CNTLN: variants seen among roughly 807,000 people sequenced by gnomAD.
The protein encoded by CNTLN is centlein, also known as centlein, centrosomal protein.
A neutral mutation model predicts 180.0 loss-of-function variants in CNTLN; 212 were observed. The observed-to-expected ratio is 1.18, with a 90% CI of 1.05 to 1.32. The LOEUF (loss-of-function observed/expected upper bound fraction) is 1.32. Ranked by LOEUF, CNTLN falls within the 40% of genes most tolerant of loss-of-function variation. The probability of loss-of-function intolerance (pLI) is 0.00; values close to 1 mark genes in which losing one functional copy is unlikely to be tolerated. For missense variants in CNTLN, 2,095 were observed against 1,610.9 expected (o/e 1.30, Z -5.14); for synonymous variants, 722 against 563.1 (o/e 1.28, Z -3.99).
At chr9:17,174,711 AAAAG>A (rs1334469534) in intron 2 of CNTLN, among the ~76,000 whole-genome samples, 4 of 151,906 alleles carry the variant, frequency 2.6e-5, no homozygotes, top group Admixed American at 1.3e-4. Flanking sequence ...AAAAAAAAAA[AAAAG>A]AAAGAAATTG....
chr9:17,484,249 C>G (rs778235774), intron 23 of CNTLN, 46 bp from the exon 24 acceptor site: 1 of 1,425,650 alleles, frequency 7.0e-7, no homozygotes, highest in Non-Finnish European at 9.6e-7. Flanking sequence ...GCTTTGTCTT[C>G]ATTATGACTT....
intron 5 of CNTLN, among the ~76,000 whole-genome samples, chr9:17,249,342 A>ATTT (rs1825989969): frequency 1.9e-5 from 2 of 107,864 alleles, no homozygotes; most frequent in African/African-American, 3.8e-5. Context: ...TGGTTCTTTG[A>ATTT]TTGTTTTTTT....
intron 13 of CNTLN, among the ~76,000 whole-genome samples, chr9:17,380,589 A>T (rs141556282): frequency 6.6e-6 from 1 of 152,250 alleles, no homozygotes; most frequent in African/African-American, 2.4e-5. Flanking sequence ...TGCCAGGTAA[A>T]ACCTTTGTAA....
chr9:17,163,094 A>G (rs889861183), intron 2 of CNTLN, among the ~76,000 whole-genome samples: 2 of 152,222 alleles, frequency 1.3e-5, no homozygotes, highest in African/African-American at 2.4e-5. Flanking sequence ...TGTGGTAGAC[A>G]AAAGAGCATG....
chr9:17,194,674 TC>T (rs1483628872), intron 2 of CNTLN, among the ~76,000 whole-genome samples: 4 of 152,188 alleles, frequency 2.6e-5, no homozygotes, highest in Non-Finnish European at 5.9e-5. Context: ...TCCAAACTGT[TC>T]CAACCTTTGT....
At chr9:17,505,531 A>G (rs1355585818), downstream of CNTLN, among the ~76,000 whole-genome samples, 1 of 152,176 alleles carries the variant, frequency 6.6e-6, no homozygotes. Flanking sequence ...ATACAATACA[A>G]TGTACAATTT....
intron 7 of CNTLN, 37 bp from the exon 8 acceptor site, chr9:17,309,021 G>T (rs1563981940): frequency 1.5e-6 from 2 of 1,359,160 alleles, no homozygotes; most frequent in South Asian, 1.5e-5. Flanking sequence ...TAGTTTTATT[G>T]ATTATTAATA....
At chr9:17,319,371 A>T (rs2133022935) in intron 8 of CNTLN, among the ~76,000 whole-genome samples, 1 of 152,370 alleles carries the variant, frequency 6.6e-6, no homozygotes, top group East Asian at 1.9e-4. Flanking sequence ...GAGCTGGTCT[A>T]GCGATCATAC....
intron 15 of CNTLN, among the ~76,000 whole-genome samples, chr9:17,406,602 C>T (rs1158868073): frequency 6.6e-6 from 1 of 151,688 alleles, no homozygotes; most frequent in Non-Finnish European, 1.5e-5. Context: ...TTATCTTGCT[C>T]ATTTTTTCCC....
intron 2 of CNTLN, among the ~76,000 whole-genome samples, chr9:17,173,589 T>C (rs1298370472): frequency 6.6e-6 from 1 of 151,676 alleles, no homozygotes; most frequent in East Asian, 1.9e-4. Context: ...TTATTCCTGA[T>C]TTTTTTTTCT....
At chr9:17,285,094 G>C (rs553195019) in intron 6 of CNTLN, among the ~76,000 whole-genome samples, 121 of 149,784 alleles carry the variant, frequency 8.1e-4, no homozygotes, top group South Asian at 5.1e-3. Flanking sequence ...ATGCTGGTGC[G>C]CTGCACCCAC....
chr9:17,435,371 G>T (rs1211097172), intron 18 of CNTLN, among the ~76,000 whole-genome samples: 2 of 152,078 alleles, frequency 1.3e-5, no homozygotes, highest in Non-Finnish European at 2.9e-5. Flanking sequence ...TTTTTATACT[G>T]CATTTGCATT....
At chr9:17,486,544 C>T (rs930693478) in intron 24 of CNTLN, among the ~76,000 whole-genome samples, 5 of 151,962 alleles carry the variant, frequency 3.3e-5, no homozygotes, top group Non-Finnish European at 5.9e-5. Flanking sequence ...TTAAATATAC[C>T]GGAGTCATGC....
chr9:17,165,767 C>T (rs919997020), intron 2 of CNTLN, among the ~76,000 whole-genome samples: 1 of 152,222 alleles, frequency 6.6e-6, no homozygotes, highest in African/African-American at 2.4e-5. Flanking sequence ...GGGACACTAA[C>T]TGAATTATTC....
chr9:17,308,875 A>T (rs1342096913), intron 7 of CNTLN, among the ~76,000 whole-genome samples, 183 bp from the exon 8 acceptor site: 1 of 95,352 alleles, frequency 1.0e-5, no homozygotes, highest in Non-Finnish European at 2.2e-5. Flanking sequence ...TAAACATATT[A>T]TTATATAAAT....
chr9:17,448,983 C>T (rs973588043), intron 18 of CNTLN, among the ~76,000 whole-genome samples: 3 of 152,136 alleles, frequency 2.0e-5, no homozygotes, highest in African/African-American at 7.2e-5. Flanking sequence ...CGCTACCATC[C>T]TCTTTCTTTC....
chr9:17,152,728 T>G (rs1456610991), intron 2 of CNTLN, among the ~76,000 whole-genome samples: 1 of 152,200 alleles, frequency 6.6e-6, no homozygotes, highest in Non-Finnish European at 1.5e-5. Context: ...TAATTTTCTG[T>G]TTCATTGATC....
chr9:17,339,433 A>G (rs934711676), intron 10 of CNTLN, among the ~76,000 whole-genome samples: 1 of 152,208 alleles, frequency 6.6e-6, no homozygotes, highest in African/African-American at 2.4e-5. Context: ...CCCACCACCT[A>G]GGTTAACTTA....
rs771814337 is a variant in CNTLN at position 17,273,715 on chromosome 9, T to G, written c.850-18T>G. On this transcript the variant is annotated intron_variant, in intron 5 of 25. Coordinates refer to ENST00000380647, the MANE Select transcript of CNTLN (RefSeq NM_017738.4). ...TATTTATTATGTTTGATTATTGATA[T>G]AAGCACTCTAATTTTAGACCTTTGA... 9 of 1,383,328 alleles carry G rather than the reference T, an allele frequency of 6.5e-6. No homozygotes were observed. Among genetic ancestry groups the G allele is most frequent in the Non-Finnish European group, 7.8e-6 (8 of 1,022,196 alleles). 85.7% of individuals were successfully genotyped at this position (1,383,328 alleles called of 1,614,324 possible).
Sources: allele counts gnomAD v4.1 joint callset (sites outside exome capture counted in the v4.1 genomes callset), GRCh38; gene constraint gnomAD v4.1.1; transcripts MANE v1.5; gene names NCBI Gene and HGNC (gene_info 2026-07-23, HGNC 2026-07-21).